RNGTT: variants seen among roughly 807,000 people sequenced by gnomAD.
The protein encoded by RNGTT is RNA guanylyltransferase and 5'-phosphatase, also known as mRNA-capping enzyme.
Under a neutral mutation model 79.3 loss-of-function variants are expected in RNGTT, and 33 were observed. That is an observed-to-expected ratio of 0.42 (90% confidence interval 0.32 to 0.56). RNGTT has a LOEUF of 0.56. RNGTT is among the 20% of genes least tolerant of loss of function. The pLI, the probability that RNGTT is intolerant of heterozygous loss-of-function variation, is 0.17. For missense variants in RNGTT, 497 were observed against 739.1 expected (o/e 0.67, Z 3.80); for synonymous variants, 222 against 235.9 (o/e 0.94, Z 0.54).
intron 11 of RNGTT, among the ~76,000 whole-genome samples, chr6:88,804,791 T>G (rs559208704): frequency 1.3e-5 from 2 of 152,312 alleles, no homozygotes; most frequent in South Asian, 4.1e-4. Flanking sequence ...GAGCCAACTT[T>G]TAAGTCATTT....
chr6:88,655,821 T>C (rs931779236), intron 14 of RNGTT, among the ~76,000 whole-genome samples: 44 of 133,844 alleles, frequency 3.3e-4, no homozygotes, highest in African/African-American at 1.7e-3. Context: ...TGTAGCTTTG[T>C]GTCTCTCCAT....
At chr6:88,673,121 C>A (rs1267966217) in intron 14 of RNGTT, among the ~76,000 whole-genome samples, 1 of 152,120 alleles carries the variant, frequency 6.6e-6, no homozygotes, top group Non-Finnish European at 1.5e-5. Flanking sequence ...CTGCCTCCAA[C>A]ACCAAGCCAC....
At chr6:88,761,126 A>C (rs543797514) in intron 13 of RNGTT, among the ~76,000 whole-genome samples, 1 of 151,974 alleles carries the variant, frequency 6.6e-6, no homozygotes, top group South Asian at 2.1e-4. Flanking sequence ...AATTCTATAT[A>C]TTCCATTCTG....
chr6:88,714,739 G>A (rs373132412), intron 13 of RNGTT, among the ~76,000 whole-genome samples: 1 of 89,792 alleles, frequency 1.1e-5, no homozygotes, highest in Non-Finnish European at 1.9e-5. Context: ...ACCGCGCCCG[G>A]CCTAAAAGTA....
At chr6:88,650,249 C>T (rs539999484) in intron 14 of RNGTT, among the ~76,000 whole-genome samples, 6 of 152,274 alleles carry the variant, frequency 3.9e-5, no homozygotes, top group Non-Finnish European at 5.9e-5. Context: ...ATATTACGTG[C>T]ATGTTACTTT....
intron 14 of RNGTT, 94 bp from the exon 15 acceptor site, chr6:88,614,489 A>G: frequency 8.6e-7 from 1 of 1,163,140 alleles, no homozygotes; most frequent in South Asian, 1.4e-5. Flanking sequence ...TGATAAAAAT[A>G]CCTCAGTAAC....
chr6:88,898,496 G>A (rs1366309668), intron 6 of RNGTT, among the ~76,000 whole-genome samples: 1 of 151,108 alleles, frequency 6.6e-6, no homozygotes, highest in Non-Finnish European at 1.5e-5. Context: ...CTTCTTAATA[G>A]CCTGCTATTA....
chr6:88,896,316 T>C (rs1253948307), intron 6 of RNGTT, among the ~76,000 whole-genome samples: 1 of 152,192 alleles, frequency 6.6e-6, no homozygotes, highest in African/African-American at 2.4e-5. Flanking sequence ...CCAGCCAAAG[T>C]TGATGGGAGC....
At chr6:88,781,290 C>G (rs1287535229) in intron 12 of RNGTT, among the ~76,000 whole-genome samples, 1 of 152,088 alleles carries the variant, frequency 6.6e-6, no homozygotes, top group African/African-American at 2.4e-5. Context: ...TCTAAAAACA[C>G]CTTGCAGGCT....
intron 13 of RNGTT, among the ~76,000 whole-genome samples, chr6:88,746,776 CCTG>C: frequency 6.6e-6 from 1 of 152,274 alleles, no homozygotes; most frequent in East Asian, 1.9e-4. Flanking sequence ...GTTGGGCACC[CCTG>C]TACTAGAATG....
intron 12 of RNGTT, among the ~76,000 whole-genome samples, chr6:88,775,695 G>T (rs997975818): frequency 3.9e-5 from 6 of 152,096 alleles, no homozygotes; most frequent in Non-Finnish European, 7.4e-5. Flanking sequence ...CCATTTAAAA[G>T]AGCTTATTAA....
chr6:88,628,571 T>G (rs1164207174), intron 14 of RNGTT, among the ~76,000 whole-genome samples: 1 of 152,178 alleles, frequency 6.6e-6, no homozygotes, highest in African/African-American at 2.4e-5. Context: ...TCATCATAGA[T>G]ATTTACTTTT....
chr6:88,724,855 T>C (rs1284353817), intron 13 of RNGTT, among the ~76,000 whole-genome samples: 2 of 152,120 alleles, frequency 1.3e-5, no homozygotes, highest in Admixed American at 6.5e-5. Flanking sequence ...AAACCACTCA[T>C]CCTGTCACTC....
intron 11 of RNGTT, among the ~76,000 whole-genome samples, chr6:88,836,023 C>T (rs12210812): frequency 0.085 from 7,805 of 91,986 alleles, 477 homozygotes; most frequent in African/African-American, 0.17. Flanking sequence ...CACACACACA[C>T]ATATATATAT....
chr6:88,849,117 T>C (rs1192113183), intron 10 of RNGTT, among the ~76,000 whole-genome samples: 7 of 151,930 alleles, frequency 4.6e-5, no homozygotes, highest in African/African-American at 1.7e-4. Flanking sequence ...TATAGGCCAA[T>C]GAATGTTATT....
intron 12 of RNGTT, among the ~76,000 whole-genome samples, chr6:88,770,906 T>C (rs1409332554): frequency 6.6e-6 from 1 of 152,172 alleles, no homozygotes; most frequent in Non-Finnish European, 1.5e-5. Context: ...TATACCTTCT[T>C]TGGTGAAGTG....
chr6:88,678,101 C>A, intron 14 of RNGTT: 1 of 433,742 alleles, frequency 2.3e-6, no homozygotes, highest in Non-Finnish European at 3.3e-6. Context: ...ATCTTCCCAC[C>A]TCAGCCTCCA....
At chr6:88,939,537 T>C (rs1784778826) in intron 2 of RNGTT, among the ~76,000 whole-genome samples, 1 of 152,188 alleles carries the variant, frequency 6.6e-6, no homozygotes, top group African/African-American at 2.4e-5. Flanking sequence ...GTATTCTGTA[T>C]TGCTTTTCAG....
intron 13 of RNGTT, among the ~76,000 whole-genome samples, chr6:88,707,569 T>C (rs1776170764): frequency 1.3e-5 from 2 of 152,048 alleles, no homozygotes; most frequent in Non-Finnish European, 2.9e-5. Context: ...TAACTACCCA[T>C]TTAATGCTTC....
Sources: allele counts gnomAD v4.1 joint callset (sites outside exome capture counted in the v4.1 genomes callset), GRCh38; gene constraint gnomAD v4.1.1; transcripts MANE v1.5; gene names NCBI Gene and HGNC (gene_info 2026-07-23, HGNC 2026-07-21).